Variants in HERC2 observed in about 807,000 individuals in gnomAD.
The protein encoded by HERC2 is E3 ubiquitin-protein ligase HERC2.
Under a neutral mutation model 537.7 loss-of-function variants are expected in HERC2, and 102 were observed. The observed-to-expected ratio is 0.19, with a 90% CI of 0.16 to 0.22. The LOEUF is 0.22. Ranked by LOEUF, HERC2 falls within the 10% of genes least tolerant of loss-of-function variation. The pLI, the probability that HERC2 is intolerant of heterozygous loss-of-function variation, is 1.00. For synonymous variants in HERC2, 2,224 were observed against 2,466.2 expected (o/e 0.90, Z 2.91); for missense variants, 4,236 against 6,198.2 (o/e 0.68, Z 10.63).
chr15:28,186,155 A>AAT (rs1491200795), intron 56 of HERC2, among the ~76,000 whole-genome samples: 2 of 152,166 alleles, frequency 1.3e-5, no homozygotes, highest in Non-Finnish European at 2.9e-5. Context: ...AATGGTAAAC[A>AAT]ATATATATAT....
intron 48 of HERC2, among the ~76,000 whole-genome samples, chr15:28,199,736 C>T (rs949782626): frequency 6.6e-6 from 1 of 152,026 alleles, no homozygotes; most frequent in African/African-American, 2.4e-5. Flanking sequence ...GAGATGGGGC[C>T]GGAGGGAGTA....
rs987411317 is a variant in HERC2, at chr15:28,177,480, C to T, written c.9193G>A (p.Asp3065Asn). The change falls in exon 60 of 93, where the codon GAT becomes AAT. Residue 3065 changes from aspartate to asparagine, a missense_variant. Physicochemically the swap from Asp to Asn is conservative, Grantham distance 23 (BLOSUM62 1). Transcript: ENST00000261609. This position sits in a 1 kb window ranked among gnomAD's most constrained non-coding sequence, Gnocchi z 5.0. ...GGRHATALTV[D>N]GKVFSWGEGD... is the part of the protein sequence containing the mutation. ...TCGCCCCACGAAAACACTTTTCCAT[C>T]GACAGTTAAAGCCGTCGCGTGCCGG... 10 of 1,614,106 alleles carry T rather than the reference C, an allele frequency of 6.2e-6. No individual in the cohort carries two copies. The highest frequency in any genetic ancestry group is 4.0e-5 in the African/African-American group (3 of 74,936).
chr15:28,189,982 T>C (rs192408943), intron 55 of HERC2, among the ~76,000 whole-genome samples: 118 of 151,554 alleles, frequency 7.8e-4, no homozygotes, highest in African/African-American at 2.7e-3. Context: ...GTATACATAG[T>C]ACAAAAATAT....
At chr15:28,275,494 C>A (rs936322609) in intron 5 of HERC2, among the ~76,000 whole-genome samples, 2 of 152,204 alleles carry the variant, frequency 1.3e-5, no homozygotes, top group Admixed American at 1.3e-4. Flanking sequence ...GGGGCATTGC[C>A]CTCTTCTGAC....
chr15:28,246,177 C>T lies in HERC2; in HGVS notation c.3392-111G>A, dbSNP rs564810269. ...AGTCACAAAATAAGAAATGTTTGTCCTTTAGCATATTTCTAAAGAATTATC... is the reference window on the plus strand; with the variant it reads ...AGTCACAAAATAAGAAATGTTTGTCTTTTAGCATATTTCTAAAGAATTATC... On this transcript the variant is annotated intron_variant, in intron 22 of 92. Transcript: ENST00000261609. 700 of 675,860 alleles carry T rather than the reference C, an allele frequency of 1.0e-3. 8 individuals are homozygous for T. Among genetic ancestry groups the T allele is most frequent in the Non-Finnish European group, 1.1e-4 (47 of 411,538 alleles). 41.9% of individuals were successfully genotyped at this position (675,860 alleles called of 1,614,324 possible). A position where few individuals can be genotyped will look rare whatever the true frequency, so the allele number is the denominator to read the frequency against.
chr15:28,114,564 C>T, intron 90 of HERC2, 48 bp downstream of exon 90: 1 of 1,560,460 alleles, frequency 6.4e-7, no homozygotes, highest in South Asian at 1.1e-5. Context: ...CCACGTTCTG[C>T]TACTTTTGCT....
At chr15:28,180,496 A>G (rs776842279) in intron 57 of HERC2, among the ~76,000 whole-genome samples, 3 of 152,354 alleles carry the variant, frequency 2.0e-5, no homozygotes, top group Non-Finnish European at 4.4e-5. Flanking sequence ...GAATGAAATG[A>G]TACACTGTGA....
At chr15:28,242,450 A>C (rs1316292984) in intron 23 of HERC2, among the ~76,000 whole-genome samples, 1 of 152,200 alleles carries the variant, frequency 6.6e-6, no homozygotes, top group Non-Finnish European at 1.5e-5. Context: ...TCGACAAACT[A>C]ACGTTCTCTG....
At chr15:28,131,667 A>G (rs1297010353) in intron 81 of HERC2, among the ~76,000 whole-genome samples, 2 of 152,158 alleles carry the variant, frequency 1.3e-5, no homozygotes, top group African/African-American at 4.8e-5. Context: ...CTCACAGGAC[A>G]CCCACCTGAG....
intron 44 of HERC2, among the ~76,000 whole-genome samples, chr15:28,209,600 C>T (rs1288541297): frequency 6.6e-6 from 1 of 152,174 alleles, no homozygotes; most frequent in South Asian, 2.1e-4. Flanking sequence ...GCCTTAGCCT[C>T]CCAAAGTGCT....
At chr15:28,213,329 GC>G (rs1346263677) in intron 42 of HERC2, among the ~76,000 whole-genome samples, 1 of 80,746 alleles carries the variant, frequency 1.2e-5, no homozygotes, top group African/African-American at 6.2e-5. Flanking sequence ...GACAGTAGCT[GC>G]TACATTAAGT....
chr15:28,187,161 A>G (rs1476629903), intron 55 of HERC2, among the ~76,000 whole-genome samples: 2 of 152,148 alleles, frequency 1.3e-5, no homozygotes, highest in African/African-American at 4.8e-5. Flanking sequence ...GAATATACAC[A>G]AATCAGAACA....
intron 23 of HERC2, among the ~76,000 whole-genome samples, chr15:28,242,851 C>CCAAT (rs1206038612): frequency 6.6e-6 from 1 of 151,946 alleles, no homozygotes; most frequent in Non-Finnish European, 1.5e-5. Flanking sequence ...AACTTAACAC[C>CCAAT]CAATCATAGT....
intron 56 of HERC2, among the ~76,000 whole-genome samples, chr15:28,183,637 C>T (rs899278583): frequency 1.3e-5 from 2 of 152,218 alleles, no homozygotes; most frequent in Non-Finnish European, 2.9e-5. Flanking sequence ...ATTGCTGCTT[C>T]TGTGTTTGGG....
intron 78 of HERC2, among the ~76,000 whole-genome samples, chr15:28,136,023 A>G (rs1890597452): frequency 1.3e-5 from 2 of 152,174 alleles, no homozygotes; most frequent in African/African-American, 4.8e-5. Context: ...TATCTACTAT[A>G]TGCAAAACTC....
intron 2 of HERC2, among the ~76,000 whole-genome samples, chr15:28,317,316 T>C (rs1272748354): frequency 2.0e-5 from 3 of 152,240 alleles, no homozygotes; most frequent in African/African-American, 4.8e-5. Context: ...TTTGAACTCC[T>C]GACCTCAAGT....
chr15:28,208,686 G>T (rs1214363971), intron 44 of HERC2, among the ~76,000 whole-genome samples: 2 of 152,056 alleles, frequency 1.3e-5, no homozygotes, highest in Non-Finnish European at 1.5e-5. Flanking sequence ...TGCTCAACAC[G>T]CTTCCAAAGA....
chr15:28,164,584 G>T (rs182769207), intron 68 of HERC2, among the ~76,000 whole-genome samples: 84 of 152,092 alleles, frequency 5.5e-4, no homozygotes, highest in African/African-American at 2.0e-3. Context: ...CACAAACACA[G>T]AAAATATGTC....
In HERC2 at chr15:28,263,064, A is replaced by G; in HGVS notation, c.1976T>C (p.Val659Ala). The change falls in exon 15 of 93, where the codon GTG becomes GCG. Residue 659 changes from valine to alanine, a missense_variant. This residue lies in a region of HERC2 where 754 missense variants were observed against 1,085.0 expected (regional missense o/e 0.69). Coordinates refer to ENST00000261609, the MANE Select transcript of HERC2 (RefSeq NM_004667.6). ...CTGACTTCCACAGCGGACTTTGACCACATCCAAGTCTTGAAGCTTTTCAAT... is the reference window on the plus strand; with the variant it reads ...CTGACTTCCACAGCGGACTTTGACCGCATCCAAGTCTTGAAGCTTTTCAAT... ...KLIEKLQDLD[V>A]VKVRCGSQFS... 6.2e-7 allele frequency: 1 copy of G among 1,614,216 alleles called. No homozygotes were observed.
Sources: gnomAD v4.1 joint callset for allele counts (sites outside exome capture counted in the v4.1 genomes callset) on GRCh38, gnomAD v4.1.1 for gene constraint, gnomAD v4.1.1 regional missense constraint, Gnocchi (gnomAD v3.1) non-coding constraint, MANE v1.5 for transcripts, NCBI Gene and HGNC (gene_info 2026-07-23, HGNC 2026-07-21) for gene names.